The following SEMA5B variants were observed in gnomAD, a reference collection of about 807,000 sequenced individuals.
SEMA5B encodes semaphorin 5B.
A neutral mutation model predicts 135.0 loss-of-function variants in SEMA5B; 66 were observed. That is an observed-to-expected ratio of 0.49 (90% CI 0.40 to 0.60). The LOEUF (loss-of-function observed/expected upper bound fraction) is 0.60, where lower values mean the gene tolerates loss of function less well. Ranked by LOEUF, SEMA5B falls within the 20% of genes least tolerant of loss-of-function variation. The pLI is 0.00. For synonymous variants in SEMA5B, 690 were observed against 639.5 expected (o/e 1.08, Z -1.19); for missense variants, 1,501 against 1,566.3 (o/e 0.96, Z 0.70).
chr3:122,929,931 G>A (rs1261500645), intron 5 of SEMA5B, among the ~76,000 whole-genome samples: 2 of 152,176 alleles, frequency 1.3e-5, no homozygotes, highest in African/African-American at 4.8e-5. Flanking sequence ...CAGCTGAAGG[G>A]AGGCGTGATG....
intron 1 of SEMA5B, among the ~76,000 whole-genome samples, chr3:123,004,793 G>A (rs1942264998): frequency 6.6e-6 from 1 of 152,208 alleles, no homozygotes; most frequent in Non-Finnish European, 1.5e-5. Context: ...GGATTAGGAT[G>A]TTGCTCTTTT....
intron 4 of SEMA5B, 125 bp downstream of exon 4, chr3:122,943,311 G>T: frequency 1.6e-6 from 1 of 635,544 alleles, no homozygotes. Context: ...ACAAGGAGAG[G>T]GCCCAGCAGA....
At chr3:122,931,656 T>C (rs1243065476) in intron 5 of SEMA5B, among the ~76,000 whole-genome samples, 1 of 152,240 alleles carries the variant, frequency 6.6e-6, no homozygotes, top group Non-Finnish European at 1.5e-5. Flanking sequence ...GAGTTGTCAG[T>C]GCTCATTTTT....
intron 5 of SEMA5B, among the ~76,000 whole-genome samples, chr3:122,934,911 A>G (rs1939178404): frequency 6.6e-6 from 1 of 151,438 alleles, no homozygotes. Flanking sequence ...TTAGAAATGT[A>G]TACTGAAATA....
intron 1 of SEMA5B, among the ~76,000 whole-genome samples, chr3:123,017,653 A>G (rs1942592905): frequency 6.6e-6 from 1 of 152,202 alleles, no homozygotes; most frequent in African/African-American, 2.4e-5. Flanking sequence ...CACACCTGTA[A>G]TCCCAACATT....
chr3:122,931,078 A>C (rs1013734473), intron 5 of SEMA5B, among the ~76,000 whole-genome samples: 1 of 152,228 alleles, frequency 6.6e-6, no homozygotes, highest in Non-Finnish European at 1.5e-5. Context: ...TTATCAAATT[A>C]GTGATGCACA....
At chr3:122,933,686 T>C (rs11718661) in intron 5 of SEMA5B, among the ~76,000 whole-genome samples, 15,249 of 152,196 alleles carry the variant, frequency 0.1, 847 homozygotes, top group African/African-American at 0.15. Flanking sequence ...AATCCACTGT[T>C]GGCCTTTGTG....
Position 122,922,322 on chromosome 3 carries a change from C to T in SEMA5B, c.1398G>A (p.Gln466=), listed in dbSNP as rs1938402359. 2 of 1,614,044 alleles carry T rather than the reference C, an allele frequency of 1.2e-6. No homozygotes were observed. Among genetic ancestry groups the T allele is most frequent in the East Asian group, 2.2e-5 (1 of 44,878 alleles). The change falls in exon 11 of 23, where the codon CAG becomes CAA. Residue 466 remains glutamine (Q), a synonymous_variant. Transcript: ENST00000357599. ...CGAGGTGTGAGAAGCGCACGCTGTC[C>T]TGGGTGACACAGGGCTCGGGTGTCA... ...QPVTPEPCVT[Q]DSVRFSHLVV...
At chr3:122,918,073 T>G (rs1476723061) in intron 12 of SEMA5B, among the ~76,000 whole-genome samples, 2 of 152,196 alleles carry the variant, frequency 1.3e-5, no homozygotes, top group South Asian at 2.1e-4. Context: ...TACAGGCAGC[T>G]TACGTGGCAT....
chr3:122,911,963 T>C lies in SEMA5B; in HGVS notation c.3003A>G (p.Gly1001=), dbSNP rs141882257. 1 of 1,611,644 alleles carries C rather than the reference T, an allele frequency of 6.2e-7. No homozygotes were observed. The highest frequency in any genetic ancestry group is 1.7e-5 in the Admixed American group (1 of 59,868). Residue 1001 remains glycine, a synonymous_variant, in exon 20 of 23, where the codon GGA becomes GGG. Transcript: ENST00000357599. ...GGCAGGGGCGGCTCTGGCTGCTGTT[T>C]CCAGCACAGGCGCTGGACCCTGGGA... ...ELLPGSSACA[G]NSSQSRPCPY... is the part of the protein sequence containing the mutation.
intron 14 of SEMA5B, among the ~76,000 whole-genome samples, chr3:122,915,226 C>A (rs1450005644): frequency 6.6e-6 from 1 of 152,194 alleles, no homozygotes; most frequent in Admixed American, 6.5e-5. Context: ...CATCAAGAGT[C>A]ACCAAGAGAT....
chr3:122,935,686 C>CTTTCTTTTTTTTTTTTTTTTTT (rs1939233868), intron 5 of SEMA5B, among the ~76,000 whole-genome samples: 29 of 70,254 alleles, frequency 4.1e-4, no homozygotes, highest in South Asian at 5.9e-4. Flanking sequence ...TTCTTTCTTT[C>CTTTCTTTTTTTTTTTTTTTTTT]TTTTTTTTTT....
At chr3:122,914,660 G>A (rs1937967508) in intron 14 of SEMA5B, among the ~76,000 whole-genome samples, 1 of 152,196 alleles carries the variant, frequency 6.6e-6, no homozygotes, top group African/African-American at 2.4e-5. Context: ...AAGGCTGGGT[G>A]TGGTGGCTTA....
intron 3 of SEMA5B, 141 bp from the exon 4 acceptor site, chr3:122,943,676 C>A (rs1042271685): frequency 6.5e-6 from 4 of 617,090 alleles, no homozygotes; most frequent in Non-Finnish European, 1.2e-5. Flanking sequence ...CACCTGCCCA[C>A]CTCTGTGTGC....
At chr3:122,923,154 C>T (rs1465612485) in intron 10 of SEMA5B, among the ~76,000 whole-genome samples, 5 of 152,294 alleles carry the variant, frequency 3.3e-5, no homozygotes, top group African/African-American at 1.2e-4. Context: ...TTCCCTTTCT[C>T]CATGGGGATG....
Position 122,922,457 on chromosome 3 carries a change from G to C in SEMA5B, c.1273-10C>G. On this transcript the variant is annotated splice_polypyrimidine_tract_variant and intron_variant, in intron 10 of 22. Coordinates refer to ENST00000357599, the MANE Select transcript of SEMA5B (RefSeq NM_001031702.4). The stretch of plus-strand genomic sequence containing the variant: ...CAGGCAGGGTGCCACACTGCCGCGG[G>C]GAGCCAGGTCACGCGCGCCCCGGCC... 6.3e-7 allele frequency: 1 copy of C among 1,583,998 alleles called. No individual in the cohort carries two copies. Among genetic ancestry groups the C allele is most frequent in the Non-Finnish European group, 8.6e-7 (1 of 1,165,932 alleles).
rs567692726 is a variant in SEMA5B, at chr3:123,009,827, CA to C, written c.-39+17636del. Among the ~76,000 whole-genome samples, 395 of 152,322 alleles carry C rather than the reference CA, an allele frequency of 2.6e-3. 4 individuals carry two copies. The highest frequency in any genetic ancestry group is 9.0e-3 in the African/African-American group (375 of 41,564). ...CTCATGGCTTTAGCTCTCTCTTTAA[CA>C]ATAACTCGACACACATTTACTGAGG... On this transcript the variant is annotated intron_variant, in intron 1 of 22. Transcript: ENST00000357599.
In SEMA5B at chr3:122,913,370, AG is replaced by A; in HGVS notation, c.2334del (p.Trp779GlyfsTer7). 6 of 1,583,636 alleles carry A rather than the reference AG, an allele frequency of 3.8e-6. No individual in the cohort carries two copies. Among genetic ancestry groups the A allele is most frequent in the Non-Finnish European group, 5.1e-6 (6 of 1,171,214 alleles). The stretch of plus-strand genomic sequence containing the variant: ...ACGTTCACGGGCAGCCACGGCGTCC[AG>A]GGGGTGTTGCGCCGCACTTCGGGGC... ...EGCPEVRRNT[P>X]WTPWLPVNVT... On this transcript the variant is annotated frameshift_variant, in exon 17 of 23. Transcript: ENST00000357599. LOFTEE classifies it high-confidence loss of function.
intron 21 of SEMA5B, 108 bp from the exon 22 acceptor site, chr3:122,911,153 G>T: frequency 9.0e-7 from 1 of 1,108,186 alleles, no homozygotes; most frequent in Non-Finnish European, 1.3e-6. Context: ...GAGGCATCCT[G>T]GAAAGGGCTC....
Sources: gnomAD v4.1 joint callset for allele counts (sites outside exome capture counted in the v4.1 genomes callset) on GRCh38, gnomAD v4.1.1 for gene constraint, MANE v1.5 for transcripts, NCBI Gene and HGNC (gene_info 2026-07-23, HGNC 2026-07-21) for gene names.